Variants in ABCA3 observed in about 807,000 individuals in gnomAD.
The protein encoded by ABCA3 is phospholipid-transporting ATPase ABCA3.
ABCA3 carries 88 observed loss-of-function variants against 172.8 expected under a neutral mutation model. The ratio of observed to expected loss-of-function variants is 0.51; its 90% CI spans 0.43 to 0.61. ABCA3 has a LOEUF of 0.61. ABCA3 is among the 20% of genes least tolerant of loss of function. The pLI is 0.00. For missense variants in ABCA3, 2,164 were observed against 2,301.0 expected (o/e 0.94, Z 1.22); for synonymous variants, 1,066 against 983.8 (o/e 1.08, Z -1.56).
intron 11 of ABCA3, among the ~76,000 whole-genome samples, chr16:2,307,652 C>G (rs944858599): frequency 2.0e-5 from 3 of 152,188 alleles, no homozygotes; most frequent in African/African-American, 7.2e-5. Flanking sequence ...GTCACCCAGG[C>G]TGGAGTGCAG....
rs1409605427 is a variant in ABCA3, at chr16:2,328,649, T to C, written c.-223A>G. On this transcript the variant is annotated 5_prime_UTR_variant, in exon 3 of 33. Coordinates refer to ENST00000301732, the MANE Select transcript of ABCA3 (RefSeq NM_001089.3). ...CTGGTGCTGGTCCACTCGCTACAAC[T>C]GCAGGCAGAGAGGAGTCCTTCCCGC... 6.4e-6 allele frequency: 3 copies of C among 471,646 alleles called. No homozygotes were observed. The highest frequency in any genetic ancestry group is 1.3e-5 in the Non-Finnish European group (3 of 234,296). The allele number at this position is 471,646 out of a possible 1,614,324, so 29.2% of individuals were successfully genotyped here.
At chr16:2,334,393 G>T (rs1330643214) in intron 1 of ABCA3, among the ~76,000 whole-genome samples, 1 of 152,148 alleles carries the variant, frequency 6.6e-6, no homozygotes, top group Non-Finnish European at 1.5e-5. Flanking sequence ...CTGGGTGAGG[G>T]TGACTGGTTT....
chr16:2,340,642 C>T lies in ABCA3; in HGVS notation c.-608G>A, dbSNP rs1217681846. 4.7e-5 allele frequency: 7 copies of T among 149,932 alleles called. No homozygotes were observed. In the East Asian group the frequency reaches 1.4e-3, roughly 29 times the overall value. The allele number at this position is 149,932 out of a possible 1,614,324, so 9.3% of individuals were successfully genotyped here. On this transcript the variant is annotated 5_prime_UTR_variant, in exon 1 of 33. Transcript: ENST00000301732. ...CGCGGGGTCCCCTCCCTCGGCCACC[C>T]GGGCTCCGCTCCAGCCTCGCAGTGG...
In ABCA3 at chr16:2,300,105, T is replaced by C; in HGVS notation, c.1511A>G (p.Glu504Gly). 6.2e-7 allele frequency: 1 copy of C among 1,613,576 alleles called. No individual in the cohort carries two copies. Among genetic ancestry groups the C allele is most frequent in the Non-Finnish European group, 8.5e-7 (1 of 1,179,904 alleles). ...CGKPRAVAGK[E>G]EEDSDPEKAL... is the part of the protein sequence containing the mutation. Reference sequence around the variant, plus strand: ...TTTCTCGGGGTCACTGTCTTCTTCCTCCTTCCCTGCAACCGCCCTTGGCTT... The same window carrying C: ...TTTCTCGGGGTCACTGTCTTCTTCCCCCTTCCCTGCAACCGCCCTTGGCTT... Residue 504 changes from glutamate (E) to glycine (G), a missense_variant, in exon 13 of 33, where the codon GAG becomes GGG. Around this residue, in one of 3 missense-constraint regions of ABCA3, gnomAD observed 1,343 missense variants for 1,369.6 expected, o/e 0.98. Transcript: ENST00000301732.
At chr16:2,326,808 T>A (rs1037038584) in intron 3 of ABCA3, among the ~76,000 whole-genome samples, 19 of 152,080 alleles carry the variant, frequency 1.2e-4, no homozygotes. Flanking sequence ...GCCAACATGG[T>A]GAAACCCCGT....
In ABCA3 at chr16:2,283,752, C is replaced by T. The variant is rs140405191; in HGVS notation, c.3863-394G>A. 2 of 274,596 alleles carry T rather than the reference C, an allele frequency of 7.3e-6. No homozygotes were observed. The highest frequency in any genetic ancestry group is 7.0e-6 in the Non-Finnish European group (1 of 142,496). The allele number at this position is 274,596 out of a possible 1,614,324, so 17.0% of individuals were successfully genotyped here. A position where few individuals can be genotyped will look rare whatever the true frequency, so the allele number is the denominator to read the frequency against. On this transcript the variant is annotated intron_variant, in intron 25 of 32. Coordinates refer to ENST00000301732, the MANE Select transcript of ABCA3 (RefSeq NM_001089.3). This position sits in a 1 kb window ranked among gnomAD's most constrained non-coding sequence, Gnocchi z 5.4. ...GTCCCCCTGGACCTGGGGTTGTGAT[C>T]TTGCTTAGAAACAGGGTCTTTGAAT...
intron 10 of ABCA3, among the ~76,000 whole-genome samples, chr16:2,314,812 A>G (rs889653763): frequency 1.3e-5 from 2 of 149,832 alleles, no homozygotes; most frequent in Non-Finnish European, 3.0e-5. Context: ...CCGACCTCAG[A>G]TGATCTGCCA....
In ABCA3 at chr16:2,326,467, C is replaced by T. The variant is rs771636942; in HGVS notation, c.-1G>A. ...GCGCCAGCTGCCTGAGCACAGCCAT[C>T]GTCTTGCTGAAAGGGACGCCCAGTG... is the stretch of plus-strand genomic sequence containing the variant. On this transcript the variant is annotated 5_prime_UTR_variant, in exon 4 of 33. Coordinates refer to ENST00000301732, the MANE Select transcript of ABCA3 (RefSeq NM_001089.3). The T allele has an allele frequency of 1.3e-5, 21 of 1,610,610 alleles. No individual in the cohort carries two copies. In the Admixed American group the frequency reaches 1.7e-4, roughly 13 times the overall value.
rs2093663675 is a variant in ABCA3 at position 2,286,694 on chromosome 16, T to C, written c.3278A>G (p.Glu1093Gly). ...ALQAAKDQFN[E>G]GRKGFDIALN... is the part of the protein sequence containing the mutation. ...AGACAGGGACGGGCAGTGCACATACTCGTTAAACTGGTCCTTGGCAGCCTG... is the reference window on the plus strand; with the variant it reads ...AGACAGGGACGGGCAGTGCACATACCCGTTAAACTGGTCCTTGGCAGCCTG... The change falls in exon 22 of 33, where the codon GAG becomes GGG. Residue 1093 changes from glutamate to glycine, a missense_variant and splice_region_variant. Glu to Gly is a moderately conservative substitution (Grantham distance 98). This residue lies in a region of ABCA3 where 795 missense variants were observed against 881.9 expected (regional missense o/e 0.90). Transcript: ENST00000301732. The surrounding 1 kb of genome is among the most constrained non-coding windows in gnomAD (Gnocchi z 5.2). 5 of 1,612,984 alleles carry C rather than the reference T, an allele frequency of 3.1e-6. No individual in the cohort carries two copies. In the East Asian group the frequency reaches 8.9e-5, roughly 29 times the overall value.
Position 2,279,678 on chromosome 16 carries a change from T to G in ABCA3, c.4360-548A>C, listed in dbSNP as rs1235716015. On this transcript the variant is annotated intron_variant, in intron 28 of 32. Coordinates refer to ENST00000301732, the MANE Select transcript of ABCA3 (RefSeq NM_001089.3). The surrounding 1 kb of genome is among the most constrained non-coding windows in gnomAD (Gnocchi z 4.4). ...CGGGGGCAGGAGTGCCTGGGTTCTG[T>G]GGATTCCAGAGACTGGATTTCTTTT... 6.6e-6 allele frequency among the ~76,000 whole-genome samples: 1 copy of G among 151,978 alleles called. No homozygotes were observed. The highest frequency in any genetic ancestry group is 6.6e-5 in the Admixed American group (1 of 15,262).
rs754366568 is a variant in ABCA3 at position 2,317,329 on chromosome 16, G to C, written c.1065C>G (p.Ile355Met). ...CCATGAAGCTGAAGGAGATGGTAGA[G>C]ATGGCGAAGCACAGCAGGAAGGCGA... ...LVLAFLLCFA[I>M]STISFSFMVS... Residue 355 changes from isoleucine (I) to methionine (M), a missense_variant, in exon 10 of 33, where the codon ATC becomes ATG. By Grantham distance (10) the Ile-to-Met change is conservative. This residue lies in a region of ABCA3 where 1,343 missense variants were observed against 1,369.6 expected (regional missense o/e 0.98). Coordinates refer to ENST00000301732, the MANE Select transcript of ABCA3 (RefSeq NM_001089.3). The C allele has an allele frequency of 1.3e-5, 21 of 1,614,142 alleles. No homozygotes were observed. The South Asian group carries it at 2.2e-4, about 17-fold the overall frequency.
intron 19 of ABCA3, 83 bp downstream of exon 19, chr16:2,292,057 G>C: frequency 2.7e-6 from 3 of 1,095,270 alleles, no homozygotes; most frequent in Non-Finnish European, 1.4e-6. Context: ...TGGGCAACTA[G>C]AGTGAAACTC....
At chr16:2,336,018 T>C (rs1403208381) in intron 1 of ABCA3, among the ~76,000 whole-genome samples, 3 of 152,354 alleles carry the variant, frequency 2.0e-5, no homozygotes, top group East Asian at 1.9e-4. Flanking sequence ...GTGTGTCATC[T>C]ACCTTTTTTC....
At chr16:2,317,462 T>C (rs2093717893) in intron 9 of ABCA3, 59 bp from the exon 10 acceptor site, 2 of 1,608,760 alleles carry the variant, frequency 1.2e-6, no homozygotes, top group Non-Finnish European at 1.7e-6. Context: ...CCAGGAGGAC[T>C]CCTGACCATC....
At position 2,281,093 on chromosome 16, in the gene ABCA3, C is replaced by T. The variant is rs747392070; in HGVS notation, c.4293G>A (p.Gly1431=). 5.0e-6 allele frequency: 8 copies of T among 1,613,970 alleles called. No individual in the cohort carries two copies. Among genetic ancestry groups the T allele is most frequent in the Middle Eastern group, 1.6e-4 (1 of 6,062 alleles). The change falls in exon 28 of 33, where the codon GGG becomes GGA. Residue 1431 remains glycine (G), a synonymous_variant. Coordinates refer to ENST00000301732, the MANE Select transcript of ABCA3 (RefSeq NM_001089.3). The surrounding 1 kb of genome is among the most constrained non-coding windows in gnomAD (Gnocchi z 4.7). ...GKTTTFKMLT[G]EESLTSGDAF... The stretch of plus-strand genomic sequence containing the variant: ...CATCCCCAGAAGTGAGGCTCTCCTC[C>T]CCGGTCAGCATTTTGAAAGTCGTGG...
chr16:2,302,032 C>T (rs898535399), intron 12 of ABCA3, among the ~76,000 whole-genome samples: 3 of 152,262 alleles, frequency 2.0e-5, no homozygotes, highest in African/African-American at 7.2e-5. Context: ...AGATCTGTGT[C>T]TTAAGGGCGT....
chr16:2,314,755 T>C (rs1455118194), intron 10 of ABCA3, among the ~76,000 whole-genome samples: 1 of 151,824 alleles, frequency 6.6e-6, no homozygotes, highest in African/African-American at 2.4e-5. Flanking sequence ...TTTGTATTTT[T>C]AGTAGAGACA....
At chr16:2,304,723 TG>T (rs2093694889) in intron 11 of ABCA3, among the ~76,000 whole-genome samples, 1 of 143,952 alleles carries the variant, frequency 6.9e-6, no homozygotes. Context: ...TCTCCCAGGC[TG>T]GAGTGCAGTG....
chr16:2,286,619 G>A lies in ABCA3; in HGVS notation c.3278+75C>T. On this transcript the variant is annotated intron_variant, in intron 22 of 32. Coordinates refer to ENST00000301732, the MANE Select transcript of ABCA3 (RefSeq NM_001089.3). This position sits in a 1 kb window ranked among gnomAD's most constrained non-coding sequence, Gnocchi z 5.2. ...GGGCAGACACAATGCTCTATCTATG[G>A]GCCCGTGGCAGTGCCCAGGGCAGTC... 6.3e-7 allele frequency: 1 copy of A among 1,576,954 alleles called. No homozygotes were observed. The highest frequency in any genetic ancestry group is 8.7e-7 in the Non-Finnish European group (1 of 1,154,582).
Sources: gnomAD v4.1 joint callset for allele counts (sites outside exome capture counted in the v4.1 genomes callset) on GRCh38, gnomAD v4.1.1 for gene constraint, gnomAD v4.1.1 regional missense constraint, Gnocchi (gnomAD v3.1) non-coding constraint, MANE v1.5 for transcripts, NCBI Gene and HGNC (gene_info 2026-07-23, HGNC 2026-07-21) for gene names.